The following SSC4D variants were observed in gnomAD, a reference collection of about 807,000 sequenced individuals.
SSC4D encodes scavenger receptor cysteine-rich domain-containing group B protein.
In SSC4D, 57 loss-of-function variants were observed where a neutral mutation model predicts 63.4. The ratio of observed to expected loss-of-function variants is 0.90; its 90% CI spans 0.73 to 1.12. The LOEUF (loss-of-function observed/expected upper bound fraction) is 1.12, where lower values mean the gene tolerates loss of function less well. SSC4D is among the 50% of genes most tolerant of loss of function. SSC4D has a pLI of 0.00. For synonymous variants in SSC4D, 352 were observed against 345.4 expected (o/e 1.02, Z -0.21); for missense variants, 791 against 806.4 (o/e 0.98, Z 0.23).
In SSC4D at chr7:76,390,248, C is replaced by T. The variant is rs2115730929; in HGVS notation, c.1539G>A (p.Gln513=). Residue 513 remains glutamine, a synonymous_variant, in exon 11 of 11, where the codon CAG becomes CAA. Coordinates refer to ENST00000275560, the MANE Select transcript of SSC4D (RefSeq NM_080744.2). ...CTGCGAGGGCCTGGCCACAGCCCAG[C>T]TGGCGGCACAGGACACCGGCTGCCC... is the stretch of plus-strand genomic sequence containing the variant. ...DLRAAGVLCR[Q]LGCGQALAAP... is the part of the protein sequence containing the mutation. 6.2e-7 allele frequency: 1 copy of T among 1,613,994 alleles called. No individual in the cohort carries two copies. The highest frequency in any genetic ancestry group is 1.7e-5 in the Admixed American group (1 of 60,000).
chr7:76,404,975 C>G (rs941335117), intron 1 of SSC4D, among the ~76,000 whole-genome samples: 1 of 151,534 alleles, frequency 6.6e-6, no homozygotes, highest in Non-Finnish European at 1.5e-5. Context: ...GAAGCTGAGG[C>G]AGGAGAATCT....
Position 76,403,347 on chromosome 7 carries a change from C to CTTTTTTTTTT in SSC4D, c.133+959_133+960insAAAAAAAAAA, listed in dbSNP as rs766899317. On this transcript the variant is annotated intron_variant, in intron 2 of 10. Coordinates refer to ENST00000275560, the MANE Select transcript of SSC4D (RefSeq NM_080744.2). ...TGATGAAGAAACTGAGACTCCACTT[C>CTTTTTTTTTT]TTTTTTTTGAGACAGAGTCTCGCCC... Among the ~76,000 whole-genome samples, 18 of 149,606 alleles carry CTTTTTTTTTT rather than the reference C, an allele frequency of 1.2e-4. 3 individuals are homozygous for CTTTTTTTTTT. The highest frequency in any genetic ancestry group is 2.1e-4 in the South Asian group (1 of 4,706).
chr7:76,402,718 A>G (rs58483334), intron 2 of SSC4D, among the ~76,000 whole-genome samples: 27,770 of 151,990 alleles, frequency 0.18, 2,778 homozygotes, highest in South Asian at 0.25. Context: ...TGCCCAGGCT[A>G]GAGTGCAATG....
intron 10 of SSC4D, among the ~76,000 whole-genome samples, chr7:76,390,589 A>G (rs1462157106): frequency 6.6e-6 from 1 of 151,790 alleles, no homozygotes; most frequent in Non-Finnish European, 1.5e-5. Flanking sequence ...AGGCCGAGGC[A>G]GGCGGATCAC....
At position 76,389,895 on chromosome 7, in the gene SSC4D, A is replaced by G. The variant is rs1804454671; in HGVS notation, c.*164T>C. On this transcript the variant is annotated 3_prime_UTR_variant, in exon 11 of 11. Coordinates refer to ENST00000275560, the MANE Select transcript of SSC4D (RefSeq NM_080744.2). ...TCACGCAGTAAGTGGACGGGGGTAC[A>G]GCCAGGCTCCCCCAAGCAGGACTGC... 10 of 839,884 alleles carry G rather than the reference A, an allele frequency of 1.2e-5. No individual in the cohort carries two copies. Among genetic ancestry groups the G allele is most frequent in the Non-Finnish European group, 1.8e-5 (10 of 547,066 alleles). The allele number at this position is 839,884 out of a possible 1,614,324, so 52.0% of individuals were successfully genotyped here.
In SSC4D at chr7:76,400,518, G is replaced by A. The variant is rs543456048; in HGVS notation, c.243C>T (p.Ser81=). Reference sequence around the variant, plus strand: ...CCACGTCCCAGTCGTCATCACAGACGCTGCCCCAGGAGCCACCGTGCATGA... The same window carrying A: ...CCACGTCCCAGTCGTCATCACAGACACTGCCCCAGGAGCCACCGTGCATGA... ...LEVMHGGSWG[S]VCDDDWDVVD... Residue 81 remains serine, a synonymous_variant, in exon 4 of 11, where the codon AGC becomes AGT. Coordinates refer to ENST00000275560, the MANE Select transcript of SSC4D (RefSeq NM_080744.2). 3.3e-5 allele frequency: 53 copies of A among 1,583,110 alleles called. No individual in the cohort carries two copies. Among genetic ancestry groups the A allele is most frequent in the East Asian group, 2.3e-4 (10 of 43,174 alleles).
chr7:76,404,297 G>A lies in SSC4D; in HGVS notation c.133+10C>T. On this transcript the variant is annotated intron_variant, in intron 2 of 10. Coordinates refer to ENST00000275560, the MANE Select transcript of SSC4D (RefSeq NM_080744.2). ...GAGGAAGTGGCAAGGGCTAACAGGG[G>A]AGGACTCACCCAGTGGCAGGAGGAG... The A allele has an allele frequency of 6.3e-7, 1 of 1,585,482 alleles. No individual in the cohort carries two copies. The highest frequency in any genetic ancestry group is 8.6e-7 in the Non-Finnish European group (1 of 1,166,126).
intron 2 of SSC4D, among the ~76,000 whole-genome samples, chr7:76,401,429 T>A (rs1212319344): frequency 6.7e-6 from 1 of 149,496 alleles, no homozygotes; most frequent in African/African-American, 2.4e-5. Flanking sequence ...TTCTTTTCTT[T>A]TTTTGAGACA....
chr7:76,389,894 C>T lies in SSC4D; in HGVS notation c.*165G>A. The T allele has an allele frequency of 1.2e-6, 1 of 830,234 alleles. No homozygotes were observed. Among genetic ancestry groups the T allele is most frequent in the Non-Finnish European group, 1.9e-6 (1 of 539,020 alleles). 51.4% of individuals were successfully genotyped at this position (830,234 alleles called of 1,614,324 possible). On this transcript the variant is annotated 3_prime_UTR_variant, in exon 11 of 11. Coordinates refer to ENST00000275560, the MANE Select transcript of SSC4D (RefSeq NM_080744.2). ...GTCACGCAGTAAGTGGACGGGGGTACAGCCAGGCTCCCCCAAGCAGGACTG... is the reference window on the plus strand; with the variant it reads ...GTCACGCAGTAAGTGGACGGGGGTATAGCCAGGCTCCCCCAAGCAGGACTG...
At chr7:76,393,326 C>A (rs1236483359) in intron 9 of SSC4D, 79 bp downstream of exon 9, 4 of 1,271,050 alleles carry the variant, frequency 3.1e-6, no homozygotes, top group Admixed American at 4.2e-5. Flanking sequence ...AGAGAGGCCT[C>A]GCGCGTGGCG....
chr7:76,389,787 T>C lies in SSC4D; in HGVS notation c.*272A>G, dbSNP rs1804452956. 2.0e-6 allele frequency: 1 copy of C among 505,480 alleles called. No individual in the cohort carries two copies. The highest frequency in any genetic ancestry group is 3.6e-6 in the Non-Finnish European group (1 of 281,394). The allele number at this position is 505,480 out of a possible 1,614,324, so 31.3% of individuals were successfully genotyped here. On this transcript the variant is annotated 3_prime_UTR_variant, in exon 11 of 11. Transcript: ENST00000275560. ...AACAGAAGAGTTAGGAATCATCCTCTTCCCCTCGTTTTGGTTTTGGCTGAG... is the reference window on the plus strand; with the variant it reads ...AACAGAAGAGTTAGGAATCATCCTCCTCCCCTCGTTTTGGTTTTGGCTGAG...
intron 7 of SSC4D, 98 bp downstream of exon 7, chr7:76,395,155 G>T: frequency 1.4e-6 from 2 of 1,427,460 alleles, no homozygotes; most frequent in Non-Finnish European, 2.0e-6. Context: ...TGGCCTGTTA[G>T]CCAGGGCCCC....
rs375655664 is a variant in SSC4D, at chr7:76,397,710, C to A, written c.676G>T (p.Val226Phe). Residue 226 changes from valine to phenylalanine, a missense_variant, in exon 6 of 11, where the codon GTC becomes TTC. Coordinates refer to ENST00000275560, the MANE Select transcript of SSC4D (RefSeq NM_080744.2). The stretch of plus-strand genomic sequence containing the variant: ...GCCCCGCAGCCCAGCTGACGACAGA[C>A]CACAGCGGCATCCGGCAGCCCCCAG... ...DDWGLPDAAVVCRQLGCGAAM... is the reference protein window; with the variant it reads ...DDWGLPDAAVFCRQLGCGAAM... 6.2e-7 allele frequency: 1 copy of A among 1,613,484 alleles called. No individual in the cohort carries two copies. Among genetic ancestry groups the A allele is most frequent in the South Asian group, 1.1e-5 (1 of 91,074 alleles).
At chr7:76,405,068 T>G (rs764277235) in intron 1 of SSC4D, among the ~76,000 whole-genome samples, 43 of 150,098 alleles carry the variant, frequency 2.9e-4, no homozygotes, top group Non-Finnish European at 5.5e-4. Context: ...AGACTCTGCC[T>G]CAAAAAGAAA....
intron 6 of SSC4D, among the ~76,000 whole-genome samples, chr7:76,396,478 G>A (rs1259157152): frequency 6.6e-6 from 1 of 152,210 alleles, no homozygotes; most frequent in Non-Finnish European, 1.5e-5. Context: ...ACTGCCTATG[G>A]GGTAGCCCTG....
At chr7:76,404,226 C>T in intron 2 of SSC4D, 81 bp downstream of exon 2, 1 of 1,449,976 alleles carries the variant, frequency 6.9e-7, no homozygotes, top group Non-Finnish European at 9.1e-7. Context: ...ATTCACAACC[C>T]TCCTCCTACT....
chr7:76,401,778 C>T (rs1804837676), intron 2 of SSC4D, among the ~76,000 whole-genome samples: 1 of 152,178 alleles, frequency 6.6e-6, no homozygotes, highest in Middle Eastern at 3.2e-3. Context: ...CTGGAGCCCT[C>T]AGCTAGAAGT....
chr7:76,390,084 G>T lies in SSC4D; in HGVS notation c.1703C>A (p.Ala568Asp). 1 of 1,614,226 alleles carries T rather than the reference G, an allele frequency of 6.2e-7. No homozygotes were observed. Among genetic ancestry groups the T allele is most frequent in the Non-Finnish European group, 8.5e-7 (1 of 1,180,038 alleles). ...DAHNCDHSEDASVLCQPS is the reference protein window; with the variant it reads ...DAHNCDHSEDDSVLCQPS ...TCATGAAGGCTGGCACAGGACACTG[G>T]CATCCTCGCTGTGGTCACAGTTGTG... Residue 568 changes from alanine to aspartate, a missense_variant, in exon 11 of 11, where the codon GCC becomes GAC. Coordinates refer to ENST00000275560, the MANE Select transcript of SSC4D (RefSeq NM_080744.2).
At chr7:76,397,400 A>C (rs940276577) in intron 6 of SSC4D, 118 bp downstream of exon 6, 6 of 1,282,312 alleles carry the variant, frequency 4.7e-6, no homozygotes, top group Non-Finnish European at 6.2e-6. Flanking sequence ...TCTGGGGAGC[A>C]TCAAGACAGC....
Sources: allele counts gnomAD v4.1 joint callset (sites outside exome capture counted in the v4.1 genomes callset), GRCh38; gene constraint gnomAD v4.1.1; transcripts MANE v1.5; gene names NCBI Gene and HGNC (gene_info 2026-07-23, HGNC 2026-07-21).